MCUB: variants seen among roughly 807,000 people sequenced by gnomAD.
MCUB encodes calcium uniporter regulatory subunit MCUb, mitochondrial.
In MCUB, 46 loss-of-function variants were observed where a neutral mutation model predicts 41.4. That is an observed-to-expected ratio of 1.11 (90% CI 0.88 to 1.42). The LOEUF (loss-of-function observed/expected upper bound fraction) is 1.42, where lower values mean the gene tolerates loss of function less well. MCUB is among the 40% of genes most tolerant of loss of function. The pLI, the probability that MCUB is intolerant of heterozygous loss-of-function variation, is 0.00. For synonymous variants in MCUB, 148 were observed against 148.2 expected, an observed-to-expected ratio of 1.00 and a Z score of 0.01; for missense variants, 403 against 404.9, an observed-to-expected ratio of 1.00 and a Z score of 0.04.
intron 1 of MCUB, among the ~76,000 whole-genome samples, chr4:109,577,598 C>CTTTTTTTTTTTTT (rs71594195): frequency 4.1e-5 from 2 of 48,664 alleles, no homozygotes; most frequent in African/African-American, 1.6e-4. Flanking sequence ...TACTTGAATT[C>CTTTTTTTTTTTTT]TTTTTTTTTT....
intron 1 of MCUB, among the ~76,000 whole-genome samples, chr4:109,633,710 A>C (rs1343677199): frequency 2.0e-5 from 3 of 152,176 alleles, no homozygotes; most frequent in Non-Finnish European, 2.9e-5. Flanking sequence ...TCAGCCTTCT[A>C]TCATCTCAGA....
Position 109,584,578 on chromosome 4 carries a change from T to C in MCUB, c.99+24142T>C, listed in dbSNP as rs558654289. Among the ~76,000 whole-genome samples the C allele has an allele frequency of 1.3e-3, 193 of 152,352 alleles. 1 individual carries two copies. The highest frequency in any genetic ancestry group is 4.4e-3 in the African/African-American group (183 of 41,582). On this transcript the variant is annotated intron_variant, in intron 1 of 7. Coordinates refer to ENST00000394650, the MANE Select transcript of MCUB (RefSeq NM_017918.5). ...AATTTTAGATCTTTCTTGCTGTCTCTTGTGGGCATTTAGTGCTGTAAATTT... is the reference window on the plus strand; with the variant it reads ...AATTTTAGATCTTTCTTGCTGTCTCCTGTGGGCATTTAGTGCTGTAAATTT...
chr4:109,662,799 G>A lies in MCUB; in HGVS notation c.347-1491G>A, dbSNP rs557087276. 3.9e-5 allele frequency among the ~76,000 whole-genome samples: 6 copies of A among 152,242 alleles called. No homozygotes were observed. In the East Asian group the frequency reaches 1.2e-3, roughly 29 times the overall value. On this transcript the variant is annotated intron_variant, in intron 3 of 7. Transcript: ENST00000394650. ...TTTAAATGACACTTGGAAAGATAAA[G>A]CGATTGGTGTGTTGCTGATTTTTTT...
intron 1 of MCUB, among the ~76,000 whole-genome samples, chr4:109,602,009 T>C (rs752562343): frequency 6.6e-6 from 1 of 152,230 alleles, no homozygotes; most frequent in Non-Finnish European, 1.5e-5. Context: ...GCCATTTGTA[T>C]GTATTTTTTG....
intron 1 of MCUB, among the ~76,000 whole-genome samples, chr4:109,614,197 T>G (rs1579066331): frequency 1.3e-5 from 2 of 152,264 alleles, no homozygotes; most frequent in Non-Finnish European, 2.9e-5. Flanking sequence ...TCCAGAACAT[T>G]ACAGCGTCAG....
At chr4:109,626,913 T>C (rs1200245188) in intron 1 of MCUB, among the ~76,000 whole-genome samples, 1 of 152,048 alleles carries the variant, frequency 6.6e-6, no homozygotes, top group Non-Finnish European at 1.5e-5. Context: ...AGCTGCATTT[T>C]GTCACATTAT....
At chr4:109,601,026 C>CT (rs1456126322) in intron 1 of MCUB, among the ~76,000 whole-genome samples, 1 of 152,124 alleles carries the variant, frequency 6.6e-6, no homozygotes, top group African/African-American at 2.4e-5. Context: ...ATCTCTTGAC[C>CT]TTGTGATCCA....
At chr4:109,634,448 A>C (rs1728544481) in intron 1 of MCUB, among the ~76,000 whole-genome samples, 1 of 147,366 alleles carries the variant, frequency 6.8e-6, no homozygotes, top group Non-Finnish European at 1.5e-5. Flanking sequence ...GCGCCACTGC[A>C]CTCCAGCCTG....
At chr4:109,681,409 C>T (rs1399628816) in intron 4 of MCUB, 2 of 445,106 alleles carry the variant, frequency 4.5e-6, no homozygotes, top group Non-Finnish European at 9.0e-6. Context: ...TTGTCTCTGG[C>T]GATCTACCTT....
intron 1 of MCUB, among the ~76,000 whole-genome samples, chr4:109,626,360 A>C (rs879836704): frequency 1.3e-5 from 2 of 152,184 alleles, no homozygotes; most frequent in African/African-American, 2.4e-5. Context: ...TATAGAAGAG[A>C]TTTAGTAGAT....
At chr4:109,683,418 GTT>G (rs1167748594) in intron 5 of MCUB, among the ~76,000 whole-genome samples, 1 of 151,754 alleles carries the variant, frequency 6.6e-6, no homozygotes, top group Non-Finnish European at 1.5e-5. Context: ...GACTTGTTTG[GTT>G]TTTTTTATCG....
At chr4:109,683,350 G>A (rs1414374243) in intron 5 of MCUB, among the ~76,000 whole-genome samples, 1 of 152,220 alleles carries the variant, frequency 6.6e-6, no homozygotes. Context: ...TTCTGGAGAT[G>A]TAAGGAAGTT....
chr4:109,634,485 GAA>G (rs34174576), intron 1 of MCUB, among the ~76,000 whole-genome samples: 36,810 of 124,200 alleles, frequency 0.3, 4,963 homozygotes, highest in East Asian at 0.46. Flanking sequence ...CTCTGTCTCA[GAA>G]AAAAAAAAAA....
chr4:109,577,504 C>T (rs1378378203), intron 1 of MCUB, among the ~76,000 whole-genome samples: 1 of 151,934 alleles, frequency 6.6e-6, no homozygotes, highest in Non-Finnish European at 1.5e-5. Flanking sequence ...GCAACTAAGG[C>T]TCAGACCCAG....
rs939826983 is a variant in MCUB, at chr4:109,560,272, G to T, written c.-66G>T. ...CAGCTCGGAGCCACCAGGCGCTGAC[G>T]AGGAGCCCGGCTGAGGGAGGATGCG... is the stretch of plus-strand genomic sequence containing the variant. On this transcript the variant is annotated 5_prime_UTR_variant, in exon 1 of 8. Transcript: ENST00000394650. 2.1e-5 allele frequency: 17 copies of T among 818,210 alleles called. No homozygotes were observed. Among genetic ancestry groups the T allele is most frequent in the South Asian group, 5.6e-5 (1 of 17,710 alleles). The allele number at this position is 818,210 out of a possible 1,614,324, so 50.7% of individuals were successfully genotyped here. A position where few individuals can be genotyped will look rare whatever the true frequency, so the allele number is the denominator to read the frequency against.
chr4:109,654,755 T>C (rs1242459395), intron 1 of MCUB, among the ~76,000 whole-genome samples: 1 of 152,222 alleles, frequency 6.6e-6, no homozygotes, highest in Non-Finnish European at 1.5e-5. Flanking sequence ...TAAAAGATAA[T>C]TTTCAGAAAT....
At chr4:109,681,313 A>AT (rs1729711738) in intron 4 of MCUB, 1 of 266,784 alleles carries the variant, frequency 3.7e-6, no homozygotes, top group African/African-American at 2.3e-5. Flanking sequence ...GGAAAAGCAA[A>AT]TAAGTTGGTT....
At chr4:109,596,742 T>C (rs1284632703) in intron 1 of MCUB, among the ~76,000 whole-genome samples, 1 of 149,244 alleles carries the variant, frequency 6.7e-6, no homozygotes, top group Non-Finnish European at 1.5e-5. Context: ...TTTTTTTTAA[T>C]TTATTTTTTA....
chr4:109,607,209 TTTTCTTTC>T (rs142787512), intron 1 of MCUB, among the ~76,000 whole-genome samples: 3 of 150,782 alleles, frequency 2.0e-5, no homozygotes, highest in African/African-American at 4.9e-5. Flanking sequence ...ATTAACATCC[TTTTCTTTC>T]TTTCTTTCTT....
Sources: allele counts gnomAD v4.1 joint callset (sites outside exome capture counted in the v4.1 genomes callset), GRCh38; gene constraint gnomAD v4.1.1; transcripts MANE v1.5; gene names NCBI Gene and HGNC (gene_info 2026-07-23, HGNC 2026-07-21).